KCNIP1: variants seen among roughly 807,000 people sequenced by gnomAD.
The protein encoded by KCNIP1 is potassium voltage-gated channel interacting protein 1, also known as A-type potassium channel modulatory protein KCNIP1.
A neutral mutation model predicts 33.0 loss-of-function variants in KCNIP1; 18 were observed. The observed-to-expected ratio is 0.55, with a 90% CI of 0.38 to 0.81. The LOEUF is 0.81. Ranked by LOEUF, KCNIP1 falls within the 30% of genes least tolerant of loss-of-function variation. The pLI, the probability that KCNIP1 is intolerant of heterozygous loss-of-function variation, is 0.00. For synonymous variants in KCNIP1, 93 were observed against 98.3 expected (o/e 0.95, Z 0.32); for missense variants, 238 against 271.6 (o/e 0.88, Z 0.87).
chr5:170,588,787 G>A (rs1247665604), intron 1 of KCNIP1, among the ~76,000 whole-genome samples: 2 of 152,094 alleles, frequency 1.3e-5, no homozygotes, highest in Non-Finnish European at 2.9e-5. Context: ...GGTCAGTGAG[G>A]GGGGAAAAGG....
chr5:170,419,162 TC>T (rs751104574), intron 1 of KCNIP1, among the ~76,000 whole-genome samples: 2 of 152,018 alleles, frequency 1.3e-5, no homozygotes, highest in African/African-American at 2.4e-5. Flanking sequence ...ACAGACAGAG[TC>T]AGTGTCCAGT....
At chr5:170,598,386 T>G (rs1194853661) in intron 1 of KCNIP1, among the ~76,000 whole-genome samples, 1 of 152,262 alleles carries the variant, frequency 6.6e-6, no homozygotes, top group East Asian at 1.9e-4. Context: ...TGAGTCCATG[T>G]TTGGTGAATG....
chr5:170,629,346 C>T (rs956510783), intron 1 of KCNIP1, among the ~76,000 whole-genome samples: 4 of 152,182 alleles, frequency 2.6e-5, no homozygotes, highest in South Asian at 2.1e-4. Context: ...AGTAAATGAT[C>T]GGATAGGCTA....
chr5:170,420,796 C>T (rs1291909577), intron 1 of KCNIP1, among the ~76,000 whole-genome samples: 5 of 151,366 alleles, frequency 3.3e-5, no homozygotes, highest in Non-Finnish European at 5.9e-5. Flanking sequence ...TCATGAAATA[C>T]TGCGTCTTCT....
At chr5:170,641,175 G>A (rs908612277) in intron 1 of KCNIP1, among the ~76,000 whole-genome samples, 4 of 152,148 alleles carry the variant, frequency 2.6e-5, no homozygotes, top group East Asian at 1.9e-4. Context: ...CCCTCTGCCC[G>A]CTGGCTTATG....
chr5:170,723,013 G>A (rs902961986), intron 5 of KCNIP1, among the ~76,000 whole-genome samples, 193 bp downstream of exon 5: 2 of 152,154 alleles, frequency 1.3e-5, no homozygotes, highest in African/African-American at 4.8e-5. Flanking sequence ...CAAGCGCCCA[G>A]AAAGGATTAA....
At position 170,491,520 on chromosome 5, in the gene KCNIP1, C is replaced by T. The variant is rs545030441; in HGVS notation, c.88+137556C>T. Among the ~76,000 whole-genome samples, 4 of 152,262 alleles carry T rather than the reference C, an allele frequency of 2.6e-5. No individual in the cohort carries two copies. The South Asian group carries it at 6.2e-4, about 24-fold the overall frequency. On this transcript the variant is annotated intron_variant, in intron 1 of 7. Coordinates refer to the KCNIP1 transcript ENST00000377360. ...CATCACTTACCTAGCAAATCTGGCT[C>T]ACAGTATAATATCAGTCATTTATAC... is the stretch of plus-strand genomic sequence containing the variant.
intron 1 of KCNIP1, among the ~76,000 whole-genome samples, chr5:170,637,545 C>T (rs144014807): frequency 6.6e-6 from 1 of 152,336 alleles, no homozygotes; most frequent in Non-Finnish European, 1.5e-5. Context: ...TCTATTCCCT[C>T]AGATCTGACG....
In KCNIP1 at chr5:170,720,302, C is replaced by T. The variant is rs1400535772; in HGVS notation, c.187-19C>T. 6.2e-7 allele frequency: 1 copy of T among 1,605,910 alleles called. No homozygotes were observed. The stretch of plus-strand genomic sequence containing the variant: ...CTGGCCCTCAAATGCCTCCCGCTGA[C>T]TCTCTCCCCTTCCCACAGGAGTGCC... On this transcript the variant is annotated intron_variant, in intron 2 of 7. Transcript: ENST00000328939.
chr5:170,389,322 C>T (rs1343981680), intron 1 of KCNIP1: 7 of 152,206 alleles, frequency 4.6e-5, no homozygotes, highest in Admixed American at 3.3e-4. Flanking sequence ...GACCCCCGCC[C>T]CCACCCCAAA....
At chr5:170,708,696 G>A (rs2113850362) in intron 1 of KCNIP1, among the ~76,000 whole-genome samples, 1 of 152,222 alleles carries the variant, frequency 6.6e-6, no homozygotes, top group African/African-American at 2.4e-5. Flanking sequence ...TTGAGTTTGA[G>A]GCCAGTCTAG....
chr5:170,363,296 G>T (rs1023870840), intron 1 of KCNIP1, among the ~76,000 whole-genome samples: 5 of 152,208 alleles, frequency 3.3e-5, no homozygotes, highest in Non-Finnish European at 7.3e-5. Context: ...ACTGAATTGT[G>T]TCCCCTTAAA....
At chr5:170,358,604 T>C (rs866892259) in intron 1 of KCNIP1, among the ~76,000 whole-genome samples, 2 of 152,334 alleles carry the variant, frequency 1.3e-5, no homozygotes, top group Middle Eastern at 6.8e-3. Flanking sequence ...ATAATATCAA[T>C]GGCACAAGGC....
intron 1 of KCNIP1, among the ~76,000 whole-genome samples, chr5:170,560,380 C>T (rs1356540961): frequency 1.3e-5 from 2 of 152,194 alleles, no homozygotes; most frequent in African/African-American, 4.8e-5. Flanking sequence ...GCCAGAATGT[C>T]TTGACAGGCA....
intron 1 of KCNIP1, among the ~76,000 whole-genome samples, chr5:170,540,591 G>A (rs926576233): frequency 3.9e-5 from 6 of 152,220 alleles, no homozygotes; most frequent in Non-Finnish European, 8.8e-5. Context: ...AATGCTATGA[G>A]TAATGACTGA....
At chr5:170,390,517 A>AAAAAAAATATATATATATATAT in intron 1 of KCNIP1, among the ~76,000 whole-genome samples, 6 of 74,538 alleles carry the variant, frequency 8.0e-5, no homozygotes, top group Non-Finnish European at 1.5e-4. Context: ...AAAAAAAACA[A>AAAAAAAATATATATATATATAT]ATATATATAT....
At chr5:170,362,186 G>A (rs1763531574) in intron 1 of KCNIP1, among the ~76,000 whole-genome samples, 1 of 152,158 alleles carries the variant, frequency 6.6e-6, no homozygotes, top group Non-Finnish European at 1.5e-5. Context: ...GATATAAAGA[G>A]CGAGCTTCAG....
At chr5:170,570,688 G>T (rs1757374439) in intron 1 of KCNIP1, among the ~76,000 whole-genome samples, 1 of 152,264 alleles carries the variant, frequency 6.6e-6, no homozygotes, top group Admixed American at 6.5e-5. Flanking sequence ...CCAGGCGGCG[G>T]GTCAGCATTG....
chr5:170,624,800 C>T (rs1318145358), intron 1 of KCNIP1, among the ~76,000 whole-genome samples: 2 of 151,050 alleles, frequency 1.3e-5, no homozygotes, highest in Non-Finnish European at 2.9e-5. Context: ...GCGCAGCTGG[C>T]TTCCTCACTC....
Sources: gnomAD v4.1 joint callset for allele counts (sites outside exome capture counted in the v4.1 genomes callset) on GRCh38, gnomAD v4.1.1 for gene constraint, MANE v1.5 for transcripts, NCBI Gene and HGNC (gene_info 2026-07-23, HGNC 2026-07-21) for gene names.